Variants in TSGA10 observed in about 807,000 individuals in gnomAD.
The protein encoded by TSGA10 is testis-specific gene 10 protein.
Under a neutral mutation model 96.6 loss-of-function variants are expected in TSGA10, and 43 were observed. The observed-to-expected ratio is 0.44, with a 90% CI of 0.35 to 0.57. The LOEUF is 0.57. Ranked by LOEUF, TSGA10 falls within the 20% of genes least tolerant of loss-of-function variation. The pLI is 0.01. For missense variants in TSGA10, 703 were observed against 834.4 expected, an observed-to-expected ratio of 0.84 and a Z score of 1.94; for synonymous variants, 229 against 269.9, an observed-to-expected ratio of 0.85 and a Z score of 1.48.
At chr2:99,131,812 G>A (rs1201480170) in intron 1 of TSGA10, among the ~76,000 whole-genome samples, 2 of 152,260 alleles carry the variant, frequency 1.3e-5, no homozygotes, top group East Asian at 3.9e-4. Context: ...CTAGTTTACT[G>A]AGAGTTTTTA....
intron 10 of TSGA10, among the ~76,000 whole-genome samples, chr2:99,096,197 A>C (rs533105032): frequency 6.6e-6 from 1 of 152,360 alleles, no homozygotes; most frequent in Non-Finnish European, 1.5e-5. Context: ...ATTGAGAATT[A>C]ACATGTTTTA....
chr2:99,106,037 C>T (rs1184186809), intron 7 of TSGA10, among the ~76,000 whole-genome samples: 1 of 152,024 alleles, frequency 6.6e-6, no homozygotes, highest in African/African-American at 2.4e-5. Flanking sequence ...GACAGACTAC[C>T]GGTTTAATGA....
intron 16 of TSGA10, among the ~76,000 whole-genome samples, chr2:99,044,932 T>C (rs988519425): frequency 6.6e-6 from 1 of 152,094 alleles, no homozygotes; most frequent in African/African-American, 2.4e-5. Context: ...GAATGACTAC[T>C]GGGTACATAA....
chr2:99,086,056 C>T (rs1329015518), intron 10 of TSGA10, among the ~76,000 whole-genome samples: 1 of 152,136 alleles, frequency 6.6e-6, no homozygotes, highest in African/African-American at 2.4e-5. Flanking sequence ...GGAAAGGAAA[C>T]AATTGGTGCT....
chr2:99,010,338 A>C (rs534522764), intron 20 of TSGA10, among the ~76,000 whole-genome samples: 1 of 152,322 alleles, frequency 6.6e-6, no homozygotes, highest in East Asian at 1.9e-4. Context: ...TACCAGGAAA[A>C]CCAAAAGAAT....
At chr2:99,142,264 C>T (rs2093574894) in intron 1 of TSGA10, 3 of 152,186 alleles carry the variant, frequency 2.0e-5, no homozygotes. Flanking sequence ...ATAATGGTGA[C>T]TTTATCTCCT....
rs775232681 is a variant in TSGA10 at position 99,035,325 on chromosome 2, C to T, written c.1519G>A (p.Asp507Asn). The T allele has an allele frequency of 5.6e-6, 9 of 1,613,366 alleles. No homozygotes were observed. Among genetic ancestry groups the T allele is most frequent in the Non-Finnish European group, 7.6e-6 (9 of 1,179,552 alleles). ...VQFEKVSALA[D>N]LSSTRELCIK... ...CAGAGTTCCCTAGTAGAAGACAAAT[C>T]TGCAAGAGCGGACACTTTTTCAAAC... Residue 507 changes from aspartate (D) to asparagine (N), a missense_variant, in exon 17 of 21, where the codon GAT (aspartate) becomes AAT (asparagine). By Grantham distance (23) the Asp-to-Asn change is conservative. Around this residue, in one of 3 missense-constraint regions of TSGA10, gnomAD observed 585 missense variants for 656.8 expected, o/e 0.89. Transcript: ENST00000393483.
At chr2:99,074,013 T>TC (rs1183760901) in intron 12 of TSGA10, among the ~76,000 whole-genome samples, 1 of 125,788 alleles carries the variant, frequency 7.9e-6, no homozygotes, top group Non-Finnish European at 1.7e-5. Context: ...TTTTTTTTTT[T>TC]TTTTTTTTTT....
In TSGA10 at chr2:99,118,497, A is replaced by G. The variant is rs576954432; in HGVS notation, c.-356+54T>C. 4.9e-5 allele frequency: 32 copies of G among 659,104 alleles called. No individual in the cohort carries two copies. The African/African-American group carries it at 6.0e-4, about 12-fold the overall frequency. The allele number at this position is 659,104 out of a possible 1,614,324, so 40.8% of individuals were successfully genotyped here. A position where few individuals can be genotyped will look rare whatever the true frequency, so the allele number is the denominator to read the frequency against. ...TATATACATATATATATACGTATATATATGTGTATTATTAACTTTTTAAAA... is the reference window on the plus strand; with the variant it reads ...TATATACATATATATATACGTATATGTATGTGTATTATTAACTTTTTAAAA... On this transcript the variant is annotated intron_variant, in intron 3 of 20. Transcript: ENST00000393483.
At chr2:99,078,871 CA>C in intron 11 of TSGA10, 58 bp from the exon 12 acceptor site, 1 of 1,446,606 alleles carries the variant, frequency 6.9e-7, no homozygotes. Flanking sequence ...TTTTCTATTT[CA>C]AGCAGATTAT....
At chr2:99,017,023 G>A (rs2079567243) in intron 20 of TSGA10, among the ~76,000 whole-genome samples, 1 of 152,132 alleles carries the variant, frequency 6.6e-6, no homozygotes, top group African/African-American at 2.4e-5. Context: ...TAGATGTGGT[G>A]AAAAGGGAAT....
chr2:99,034,958 T>A (rs2081492960), intron 17 of TSGA10, among the ~76,000 whole-genome samples: 1 of 152,172 alleles, frequency 6.6e-6, no homozygotes, highest in African/African-American at 2.4e-5. Flanking sequence ...CTCAACCTCA[T>A]GGTTCTTTGC....
At chr2:99,064,864 A>C in intron 16 of TSGA10, 75 bp downstream of exon 16, 2 of 1,274,564 alleles carry the variant, frequency 1.6e-6, no homozygotes, top group Non-Finnish European at 2.1e-6. Flanking sequence ...TCATACATTT[A>C]ATTTATGGAA....
At chr2:99,064,750 G>A (rs1026042183) in intron 16 of TSGA10, among the ~76,000 whole-genome samples, 189 bp downstream of exon 16, 1 of 152,132 alleles carries the variant, frequency 6.6e-6, no homozygotes, top group Non-Finnish European at 1.5e-5. Context: ...GCTAATGATT[G>A]TTCTGGATGT....
At position 99,106,577 on chromosome 2, in the gene TSGA10, A is replaced by G. The variant is rs375753340; in HGVS notation, c.211-880T>C. On this transcript the variant is annotated intron_variant, in intron 7 of 20. Coordinates refer to ENST00000393483, the MANE Select transcript of TSGA10 (RefSeq NM_025244.4). ...TTAAAAAAAAAAAGTCCCATGGTCT[A>G]TAACTATTGCCAATGGTTCCTTACC... 4.1e-4 allele frequency among the ~76,000 whole-genome samples: 63 copies of G among 151,930 alleles called. No homozygotes were observed. In the East Asian group the frequency reaches 8.8e-3, roughly 21 times the overall value.
Position 99,140,705 on chromosome 2 carries a change from G to A in TSGA10, c.-620-13529C>T, listed in dbSNP as rs2093503139. Among the ~76,000 whole-genome samples, 3 of 152,244 alleles carry A rather than the reference G, an allele frequency of 2.0e-5. No individual in the cohort carries two copies. The East Asian group carries it at 5.8e-4, about 29-fold the overall frequency. On this transcript the variant is annotated intron_variant, in intron 1 of 20. Transcript: ENST00000393483. ...CAAGTCTAGAAAGAGGCTCAGAAAT[G>A]AGCGATCGGGAGTCAGGCTGAACTC...
chr2:99,152,955 C>G (rs1177516863), intron 1 of TSGA10, among the ~76,000 whole-genome samples: 1 of 152,102 alleles, frequency 6.6e-6, no homozygotes, highest in Non-Finnish European at 1.5e-5. Context: ...AGAAATGGTA[C>G]TTAGAGCCAT....
At chr2:99,072,142 G>T (rs1021876499) in intron 13 of TSGA10, among the ~76,000 whole-genome samples, 16 of 152,140 alleles carry the variant, frequency 1.1e-4, no homozygotes, top group Non-Finnish European at 1.5e-5. Flanking sequence ...GTATTAGGAA[G>T]GCTTTCATCC....
intron 16 of TSGA10, among the ~76,000 whole-genome samples, chr2:99,042,058 T>G (rs76032196): frequency 4.0e-5 from 6 of 151,468 alleles, no homozygotes; most frequent in African/African-American, 1.5e-4. Context: ...TTTTTTTTTT[T>G]TTGAGACAGG....
Sources: allele counts gnomAD v4.1 joint callset (sites outside exome capture counted in the v4.1 genomes callset), GRCh38; gene constraint gnomAD v4.1.1; regional missense constraint gnomAD v4.1.1; transcripts MANE v1.5; gene names NCBI Gene and HGNC (gene_info 2026-07-23, HGNC 2026-07-21).